Variants in SLC20A2 observed in about 807,000 individuals in gnomAD.
The protein encoded by SLC20A2 is solute carrier family 20 member 2.
SLC20A2 carries 30 observed loss-of-function variants against 61.0 expected under a neutral mutation model. The ratio of observed to expected loss-of-function variants is 0.49; its 90% CI spans 0.37 to 0.67. The LOEUF (loss-of-function observed/expected upper bound fraction) is 0.67. SLC20A2 is among the 30% of genes least tolerant of loss of function. The pLI, the probability that SLC20A2 is intolerant of heterozygous loss-of-function variation, is 0.00. For missense variants in SLC20A2, 626 were observed against 866.4 expected (o/e 0.72, Z 3.48); for synonymous variants, 351 against 353.3 (o/e 0.99, Z 0.07).
At chr8:42,486,189 T>C (rs1378362291) in intron 1 of SLC20A2, among the ~76,000 whole-genome samples, 1 of 151,874 alleles carries the variant, frequency 6.6e-6, no homozygotes, top group Non-Finnish European at 1.5e-5. Flanking sequence ...CTCAAATTAC[T>C]GTCTAGTGTC....
chr8:42,463,021 A>G lies in SLC20A2; in HGVS notation c.500T>C (p.Ile167Thr), dbSNP rs769506307. Residue 167 changes from isoleucine to threonine, a missense_variant, in exon 4 of 11, where the codon ATT (isoleucine) becomes ACT (threonine). Around this residue, in one of 3 missense-constraint regions of SLC20A2, gnomAD observed 127 missense variants for 215.4 expected, o/e 0.59. Coordinates refer to ENST00000520262, the MANE Select transcript of SLC20A2 (RefSeq NM_001257180.2). ...MSGLLFVLIR[I>T]FILKKEDPVP... is the part of the protein sequence containing the mutation. ...CCCACTTACCTTTTTTAAGATGAAA[A>G]TTCTGATGAGTACAAACAGCAGGCC... The G allele has an allele frequency of 9.4e-6, 15 of 1,597,380 alleles. No homozygotes were observed. Among genetic ancestry groups the G allele is most frequent in the Non-Finnish European group, 1.3e-5 (15 of 1,173,202 alleles).
At chr8:42,539,975 T>C (rs1245419054) in intron 1 of SLC20A2, among the ~76,000 whole-genome samples, 1 of 152,216 alleles carries the variant, frequency 6.6e-6, no homozygotes, top group Non-Finnish European at 1.5e-5. Flanking sequence ...ACTCTTATTT[T>C]ACAAAGGCAT....
At chr8:42,526,692 G>C (rs141593720) in intron 1 of SLC20A2, among the ~76,000 whole-genome samples, 1 of 150,296 alleles carries the variant, frequency 6.7e-6, no homozygotes, top group East Asian at 2.0e-4. Flanking sequence ...AAAAGAAACT[G>C]TCACAGCCAA....
At chr8:42,490,903 T>C (rs1364675256) in intron 1 of SLC20A2, among the ~76,000 whole-genome samples, 1 of 151,820 alleles carries the variant, frequency 6.6e-6, no homozygotes, top group African/African-American at 2.4e-5. Flanking sequence ...AAAACCTTTA[T>C]AACAGATGAG....
intron 5 of SLC20A2, among the ~76,000 whole-genome samples, chr8:42,457,253 G>T (rs1316841271): frequency 6.6e-6 from 1 of 151,942 alleles, no homozygotes; most frequent in Non-Finnish European, 1.5e-5. Context: ...TTATCCTGGG[G>T]CACATACTTC....
chr8:42,511,541 C>T (rs1258240005), intron 1 of SLC20A2, among the ~76,000 whole-genome samples: 4 of 151,884 alleles, frequency 2.6e-5, no homozygotes, highest in South Asian at 2.1e-4. Flanking sequence ...GAAGGAGAAT[C>T]GCTTGAACCT....
At chr8:42,462,714 A>G (rs1806813796) in intron 4 of SLC20A2, among the ~76,000 whole-genome samples, 1 of 152,098 alleles carries the variant, frequency 6.6e-6, no homozygotes, top group Admixed American at 6.5e-5. Context: ...TCAGGAAATA[A>G]TTACCTTTCC....
chr8:42,488,942 T>G (rs893174654), intron 1 of SLC20A2, among the ~76,000 whole-genome samples: 24 of 143,362 alleles, frequency 1.7e-4, no homozygotes, highest in African/African-American at 3.8e-4. Flanking sequence ...TTTGTTTTTT[T>G]TTTTTTTTTT....
At chr8:42,512,913 A>G (rs1811109471) in intron 1 of SLC20A2, among the ~76,000 whole-genome samples, 1 of 152,194 alleles carries the variant, frequency 6.6e-6, no homozygotes, top group African/African-American at 2.4e-5. Context: ...TTCTCATAAG[A>G]GTGTTGTGGT....
chr8:42,533,407 G>C (rs1812464561), intron 1 of SLC20A2, among the ~76,000 whole-genome samples: 1 of 152,068 alleles, frequency 6.6e-6, no homozygotes, highest in African/African-American at 2.4e-5. Context: ...CTTGAGGCCA[G>C]GAGTTCAAGA....
chr8:42,511,955 T>C (rs2974294), intron 1 of SLC20A2, among the ~76,000 whole-genome samples: 75,967 of 151,924 alleles, frequency 0.5, 19,019 homozygotes, highest in African/African-American at 0.51. Context: ...CCAATAATTA[T>C]AATAATCCAA....
chr8:42,528,389 G>A (rs993913835), intron 1 of SLC20A2, among the ~76,000 whole-genome samples: 1 of 151,658 alleles, frequency 6.6e-6, no homozygotes, highest in Admixed American at 6.6e-5. Flanking sequence ...GTGAACCCGG[G>A]AAGGAGAACT....
At chr8:42,488,285 G>A (rs1385105811) in intron 1 of SLC20A2, among the ~76,000 whole-genome samples, 1 of 146,130 alleles carries the variant, frequency 6.8e-6, no homozygotes, top group Non-Finnish European at 1.5e-5. Context: ...TCCCGGGTTC[G>A]ACCGATTCTC....
chr8:42,469,780 T>C (rs1807478563), intron 2 of SLC20A2, among the ~76,000 whole-genome samples: 1 of 151,884 alleles, frequency 6.6e-6, no homozygotes, highest in Admixed American at 6.6e-5. Flanking sequence ...ATACAAAAAT[T>C]AGCTGGGTGT....
chr8:42,435,892 G>A (rs1212010217), intron 8 of SLC20A2, among the ~76,000 whole-genome samples: 3 of 152,072 alleles, frequency 2.0e-5, no homozygotes, highest in Admixed American at 6.6e-5. Context: ...TGAGGTGGGC[G>A]GATCACCTGA....
intron 1 of SLC20A2, among the ~76,000 whole-genome samples, chr8:42,485,818 T>A (rs1008977053): frequency 6.9e-6 from 1 of 145,374 alleles, no homozygotes; most frequent in Admixed American, 6.8e-5. Context: ...TGGTGGCGCA[T>A]GCCTGTAATC....
At chr8:42,504,396 G>C (rs1398605007), upstream of SLC20A2, among the ~76,000 whole-genome samples, 1 of 152,164 alleles carries the variant, frequency 6.6e-6, no homozygotes, top group African/African-American at 2.4e-5. Flanking sequence ...CAGATGCTGG[G>C]AGAAATGGAG....
chr8:42,436,955 G>T, intron 8 of SLC20A2, 34 bp downstream of exon 8: 3 of 1,552,658 alleles, frequency 1.9e-6, no homozygotes, highest in Non-Finnish European at 2.6e-6. Context: ...GAGCCTCAAG[G>T]ACCCTTGTTG....
chr8:42,431,139 C>CG (rs767346155), intron 8 of SLC20A2, among the ~76,000 whole-genome samples: 2 of 152,226 alleles, frequency 1.3e-5, no homozygotes, highest in Non-Finnish European at 2.9e-5. Flanking sequence ...ATGTCAAAAT[C>CG]GGAGACAGGC....
Sources: allele counts gnomAD v4.1 joint callset (sites outside exome capture counted in the v4.1 genomes callset), GRCh38; gene constraint gnomAD v4.1.1; regional missense constraint gnomAD v4.1.1; transcripts MANE v1.5; gene names NCBI Gene and HGNC (gene_info 2026-07-23, HGNC 2026-07-21).